The following NRCAM variants were observed in gnomAD, a reference collection of about 807,000 sequenced individuals.
The protein encoded by NRCAM is neuronal cell adhesion molecule.
NRCAM carries 83 observed loss-of-function variants against 156.5 expected under a neutral mutation model. The observed-to-expected ratio is 0.53, with a 90% CI of 0.44 to 0.64. The LOEUF is 0.64. Among genes scored for constraint, NRCAM ranks in the 30% least tolerant of loss-of-function variants. NRCAM has a pLI of 0.00. For synonymous variants in NRCAM, 538 were observed against 563.9 expected, an observed-to-expected ratio of 0.95 and a Z score of 0.65; for missense variants, 1,417 against 1,597.3, an observed-to-expected ratio of 0.89 and a Z score of 1.92.
chr7:108,316,133 G>A lies in NRCAM; in HGVS notation c.-173-3402C>T, dbSNP rs141957434. ...CTTTAAGAGGTGATTAGGTCATGAG[G>A]GGCTTTGCCCTCATGCATGGATTCA... On this transcript the variant is annotated intron_variant, in intron 2 of 32. Transcript: ENST00000379028. Among the ~76,000 whole-genome samples the A allele has an allele frequency of 2.1e-3, 321 of 152,276 alleles. 2 individuals are homozygous for A. Among genetic ancestry groups the A allele is most frequent in the African/African-American group, 7.3e-3 (305 of 41,554 alleles).
intron 2 of NRCAM, among the ~76,000 whole-genome samples, chr7:108,351,904 C>T (rs1379050303): frequency 6.6e-6 from 1 of 152,118 alleles, no homozygotes; most frequent in Non-Finnish European, 1.5e-5. Flanking sequence ...ACCCATTAGT[C>T]ATCCATAGCA....
chr7:108,244,194 T>C (rs1177583644), intron 3 of NRCAM, among the ~76,000 whole-genome samples: 1 of 152,068 alleles, frequency 6.6e-6, no homozygotes, highest in African/African-American at 2.4e-5. Flanking sequence ...TCTCCTCTAT[T>C]TGGGCTTTTC....
intron 3 of NRCAM, among the ~76,000 whole-genome samples, chr7:108,298,406 G>A (rs1294025229): frequency 6.6e-6 from 1 of 151,792 alleles, no homozygotes; most frequent in African/African-American, 2.4e-5. Flanking sequence ...AGAACTTTGG[G>A]AGGCCGAGGC....
chr7:108,220,319 T>C (rs770592492), intron 11 of NRCAM, among the ~76,000 whole-genome samples: 10 of 152,098 alleles, frequency 6.6e-5, no homozygotes, highest in African/African-American at 2.4e-4. Context: ...AATACCACCA[T>C]TATTCTTTAC....
intron 32 of NRCAM, among the ~76,000 whole-genome samples, chr7:108,152,483 TG>T: frequency 6.6e-6 from 1 of 152,082 alleles, no homozygotes; most frequent in East Asian, 1.9e-4. Context: ...AATCAGGGCT[TG>T]TGGAACATTG....
intron 2 of NRCAM, among the ~76,000 whole-genome samples, chr7:108,383,141 C>CAT (rs2099709388): frequency 6.9e-6 from 1 of 144,400 alleles, no homozygotes; most frequent in Non-Finnish European, 1.5e-5. Context: ...CACGCTCTCA[C>CAT]ACACACACAC....
intron 30 of NRCAM, among the ~76,000 whole-genome samples, chr7:108,162,571 C>T (rs2049874499): frequency 6.6e-6 from 1 of 152,204 alleles, no homozygotes; most frequent in Admixed American, 6.5e-5. Context: ...TATTGTTCTA[C>T]AAGGATGGTG....
intron 8 of NRCAM, 126 bp from the exon 9 acceptor site, chr7:108,226,504 G>T (rs1185479196): frequency 1.1e-5 from 6 of 531,658 alleles, no homozygotes; most frequent in Non-Finnish European, 1.6e-5. Context: ...TCTCTATATA[G>T]CTCTTTGGGT....
chr7:108,381,624 A>C (rs2099701796), intron 2 of NRCAM, among the ~76,000 whole-genome samples: 2 of 143,928 alleles, frequency 1.4e-5, no homozygotes, highest in Non-Finnish European at 3.0e-5. Flanking sequence ...CAATGGTGCG[A>C]TTTCGGCTCA....
intron 5 of NRCAM, among the ~76,000 whole-genome samples, chr7:108,237,372 C>G (rs1386456187): frequency 1.3e-5 from 2 of 152,146 alleles, no homozygotes; most frequent in African/African-American, 2.4e-5. Flanking sequence ...TTTGCCTGCA[C>G]CCACCTTCTA....
intron 11 of NRCAM, among the ~76,000 whole-genome samples, chr7:108,210,306 G>C (rs985981130): frequency 6.6e-6 from 1 of 151,694 alleles, no homozygotes; most frequent in Non-Finnish European, 1.5e-5. Flanking sequence ...GAGTGCAGTG[G>C]CACGATCTGA....
At chr7:108,370,089 G>T (rs780094781) in intron 2 of NRCAM, among the ~76,000 whole-genome samples, 6 of 152,114 alleles carry the variant, frequency 3.9e-5, no homozygotes, top group Non-Finnish European at 5.9e-5. Context: ...TAGGCTTGAT[G>T]AAGAATTTAA....
chr7:108,228,214 C>T (rs966490354), intron 8 of NRCAM, among the ~76,000 whole-genome samples: 2 of 151,774 alleles, frequency 1.3e-5, no homozygotes, highest in African/African-American at 2.4e-5. Context: ...CTCAGTTACT[C>T]GGGAAGCTGA....
At chr7:108,165,947 TGTAA>T (rs2053833640) in intron 30 of NRCAM, among the ~76,000 whole-genome samples, 2 of 152,240 alleles carry the variant, frequency 1.3e-5, no homozygotes, top group Admixed American at 1.3e-4. Flanking sequence ...CTTGTTGAAA[TGTAA>T]GTAAGCAGGG....
chr7:108,194,219 G>A (rs377381519), intron 16 of NRCAM, 43 bp downstream of exon 16: 1 of 1,610,840 alleles, frequency 6.2e-7, no homozygotes, highest in Non-Finnish European at 8.5e-7. Context: ...TGGAGAATTT[G>A]TTCAAAGTCA....
At chr7:108,187,833 T>C (rs2068063066) in intron 20 of NRCAM, among the ~76,000 whole-genome samples, 1 of 151,798 alleles carries the variant, frequency 6.6e-6, no homozygotes, top group Non-Finnish European at 1.5e-5. Context: ...CGGGCGCCTG[T>C]AGTCCCAGCT....
At chr7:108,225,526 AT>A in intron 10 of NRCAM, 118 bp downstream of exon 10, 1 of 747,002 alleles carries the variant, frequency 1.3e-6, no homozygotes, top group South Asian at 1.5e-5. Context: ...TACTAGTGGT[AT>A]TTAACATATA....
intron 30 of NRCAM, 65 bp downstream of exon 30, chr7:108,166,856 A>AG: frequency 6.6e-7 from 1 of 1,505,312 alleles, no homozygotes; most frequent in Admixed American, 1.8e-5. Flanking sequence ...CCCCATCTCC[A>AG]GCTGGAGCAC....
At chr7:108,316,272 C>A (rs938136992) in intron 2 of NRCAM, among the ~76,000 whole-genome samples, 3 of 152,160 alleles carry the variant, frequency 2.0e-5, no homozygotes, top group East Asian at 1.9e-4. Context: ...CCTCTCTCAT[C>A]CTTCTGTTTT....
Sources: allele counts gnomAD v4.1 joint callset (sites outside exome capture counted in the v4.1 genomes callset), GRCh38; gene constraint gnomAD v4.1.1; transcripts MANE v1.5; gene names NCBI Gene and HGNC (gene_info 2026-07-23, HGNC 2026-07-21).